TUT7: variants seen among roughly 807,000 people sequenced by gnomAD.
TUT7 encodes terminal uridylyltransferase 7.
Under a neutral mutation model 165.9 loss-of-function variants are expected in TUT7, and 33 were observed. The observed-to-expected ratio is 0.20, with a 90% CI of 0.15 to 0.27. The LOEUF (loss-of-function observed/expected upper bound fraction) is 0.27. Among genes scored for constraint, TUT7 ranks in the 10% least tolerant of loss-of-function variants. The pLI, the probability that TUT7 is intolerant of heterozygous loss-of-function variation, is 1.00. For missense variants in TUT7, 1,338 were observed against 1,762.3 expected (o/e 0.76, Z 4.31); for synonymous variants, 552 against 608.1 (o/e 0.91, Z 1.36).
intron 26 of TUT7, among the ~76,000 whole-genome samples, chr9:86,297,447 C>T (rs79424847): frequency 0.019 from 2,967 of 152,284 alleles, 110 homozygotes; most frequent in African/African-American, 0.067. Context: ...CACTATGCTA[C>T]GTTATTCTCG....
chr9:86,299,855 C>T (rs372561659), intron 26 of TUT7, among the ~76,000 whole-genome samples: 1 of 152,028 alleles, frequency 6.6e-6, no homozygotes, highest in South Asian at 2.1e-4. Flanking sequence ...ACACAGGCCT[C>T]GAGTAATTTT....
chr9:86,345,574 T>C, intron 4 of TUT7, 95 bp downstream of exon 4: 1 of 856,124 alleles, frequency 1.2e-6, no homozygotes, highest in Non-Finnish European at 1.9e-6. Flanking sequence ...AGTAAAGTTA[T>C]CAATATCATA....
At chr9:86,335,938 C>T (rs536407814) in intron 10 of TUT7, among the ~76,000 whole-genome samples, 1 of 152,178 alleles carries the variant, frequency 6.6e-6, no homozygotes, top group South Asian at 2.1e-4. Context: ...AGAGAGTTTC[C>T]GGTATCACTA....
At chr9:86,293,778 C>T (rs1826067652) in intron 26 of TUT7, among the ~76,000 whole-genome samples, 1 of 152,184 alleles carries the variant, frequency 6.6e-6, no homozygotes, top group Admixed American at 6.5e-5. Context: ...CCCATGTGTT[C>T]CTGAGCCTAC....
chr9:86,297,921 C>CTTTTTTTTTTTTTT (rs59651352), intron 26 of TUT7, among the ~76,000 whole-genome samples: 1,693 of 86,146 alleles, frequency 0.02, 274 homozygotes, highest in East Asian at 0.1. Context: ...GCCTGCTCCA[C>CTTTTTTTTTTTTTT]TTTTTTTTTT....
chr9:86,338,862 C>T lies in TUT7; in HGVS notation c.1296G>A (p.Lys432=). The T allele has an allele frequency of 6.2e-7, 1 of 1,610,670 alleles. No individual in the cohort carries two copies. ...TAAATGCAATCACCAAAGGAACCAG[C>T]TTTGGTTCTAGTTTTCCAAGGGCAG... The part of the protein sequence containing the change: ...HLTALGKLEP[K]LVPLVIAFRY... The change falls in exon 9 of 27, where the codon AAG becomes AAA. Residue 432 remains lysine, a synonymous_variant. Transcript: ENST00000375963.
Position 86,341,062 on chromosome 9 carries a change from T to C in TUT7, c.1087-9A>G, listed in dbSNP as rs1043375154. 3 of 1,608,428 alleles carry C rather than the reference T, an allele frequency of 1.9e-6. No homozygotes were observed. The highest frequency in any genetic ancestry group is 3.3e-5 in the Admixed American group (2 of 59,938). On this transcript the variant is annotated splice_polypyrimidine_tract_variant and intron_variant, in intron 6 of 26. Transcript: ENST00000375963. ...ACATCTGGCTGAGACATCTAGGAAA[T>C]AAATCAATGAATACATGAAATTATT...
chr9:86,305,453 C>T (rs1371975167), intron 22 of TUT7, among the ~76,000 whole-genome samples: 1 of 152,110 alleles, frequency 6.6e-6, no homozygotes, highest in Non-Finnish European at 1.5e-5. Flanking sequence ...CTAAGCAATA[C>T]ATATTCCTAA....
chr9:86,332,753 T>C (rs1053284042), intron 10 of TUT7, among the ~76,000 whole-genome samples: 2 of 152,212 alleles, frequency 1.3e-5, no homozygotes, highest in Admixed American at 1.3e-4. Context: ...GGATATTTAG[T>C]CTGTCAATAT....
intron 14 of TUT7, 146 bp downstream of exon 14, chr9:86,322,179 C>T (rs994207707): frequency 1.2e-5 from 8 of 658,358 alleles, no homozygotes; most frequent in South Asian, 2.2e-5. Context: ...ACAGACATGA[C>T]ATGGAACGCT....
At chr9:86,309,190 T>C in intron 21 of TUT7, 22 bp downstream of exon 21, 2 of 1,472,328 alleles carry the variant, frequency 1.4e-6, no homozygotes, top group Non-Finnish European at 1.9e-6. Flanking sequence ...TATAGGAAAA[T>C]CTTTACTCTT....
intron 17 of TUT7, among the ~76,000 whole-genome samples, chr9:86,312,982 G>A (rs1436964508): frequency 2.0e-5 from 3 of 151,948 alleles, no homozygotes; most frequent in East Asian, 1.9e-4. Context: ...GCAGAAGGCC[G>A]CAGGGTCCTC....
At chr9:86,307,925 C>T (rs1321223415) in intron 22 of TUT7, among the ~76,000 whole-genome samples, 8 of 151,998 alleles carry the variant, frequency 5.3e-5, no homozygotes, top group African/African-American at 1.4e-4. Context: ...ACCCAGGAGG[C>T]GGAGGTTGCA....
At chr9:86,295,965 C>CA (rs1377367095) in intron 26 of TUT7, among the ~76,000 whole-genome samples, 1 of 152,068 alleles carries the variant, frequency 6.6e-6, no homozygotes, top group African/African-American at 2.4e-5. Flanking sequence ...AATTGTCATA[C>CA]ATAAACCAGA....
At chr9:86,344,202 TA>T (rs1831559074) in intron 5 of TUT7, among the ~76,000 whole-genome samples, 1 of 152,192 alleles carries the variant, frequency 6.6e-6, no homozygotes, top group African/African-American at 2.4e-5. Context: ...TCGAGCTTTG[TA>T]AAAATAGTTG....
rs1828034008 is a variant in TUT7, at chr9:86,311,400, G to T, written c.3275-591C>A. On this transcript the variant is annotated intron_variant, in intron 17 of 26. Coordinates refer to ENST00000375963, the MANE Select transcript of TUT7 (RefSeq NM_024617.4). This position sits in a 1 kb window ranked among gnomAD's most constrained non-coding sequence, Gnocchi z 4.4. Reference sequence around the variant, plus strand: ...AGGCAAGGCAAACTGTACACAAAAAGTGTAGATGCCTGAAATAGAATGGTA... The same window carrying T: ...AGGCAAGGCAAACTGTACACAAAAATTGTAGATGCCTGAAATAGAATGGTA... 6.6e-6 allele frequency among the ~76,000 whole-genome samples: 1 copy of T among 152,174 alleles called. No homozygotes were observed. The highest frequency in any genetic ancestry group is 2.4e-5 in the African/African-American group (1 of 41,450).
At chr9:86,302,558 TC>T (rs1827031588) in intron 25 of TUT7, among the ~76,000 whole-genome samples, 2 of 152,080 alleles carry the variant, frequency 1.3e-5, no homozygotes, top group South Asian at 2.1e-4. Context: ...CCTCAAGTGA[TC>T]CGCCTGCCTT....
intron 26 of TUT7, among the ~76,000 whole-genome samples, chr9:86,291,708 G>C (rs1246414641): frequency 2.6e-5 from 4 of 151,484 alleles, no homozygotes; most frequent in African/African-American, 9.7e-5. Context: ...AATAAATAAA[G>C]TATTTGGAAG....
chr9:86,343,169 A>C lies in TUT7; in HGVS notation c.998-6T>G, dbSNP rs1831460966. ...ATATAATCTTAGGGAACAATCTAAA[A>C]AATAAATAAATAAATAAAAGTAATA... On this transcript the variant is annotated splice_region_variant and splice_polypyrimidine_tract_variant and intron_variant, in intron 5 of 26. Transcript: ENST00000375963. The C allele has an allele frequency of 6.9e-7, 1 of 1,445,378 alleles. No homozygotes were observed. The highest frequency in any genetic ancestry group is 9.4e-7 in the Non-Finnish European group (1 of 1,068,004). 89.5% of individuals were successfully genotyped at this position (1,445,378 alleles called of 1,614,324 possible).
Sources: gnomAD v4.1 joint callset for allele counts (sites outside exome capture counted in the v4.1 genomes callset) on GRCh38, gnomAD v4.1.1 for gene constraint, Gnocchi (gnomAD v3.1) non-coding constraint, MANE v1.5 for transcripts, NCBI Gene and HGNC (gene_info 2026-07-23, HGNC 2026-07-21) for gene names.